Variants in SGCZ observed in about 807,000 individuals in gnomAD.
SGCZ encodes sarcoglycan zeta.
A neutral mutation model predicts 41.3 loss-of-function variants in SGCZ; 40 were observed. The observed-to-expected ratio is 0.97, with a 90% CI of 0.75 to 1.26. The LOEUF (loss-of-function observed/expected upper bound fraction) is 1.26, where lower values mean the gene tolerates loss of function less well. SGCZ is among the 50% of genes most tolerant of loss of function. The probability of loss-of-function intolerance (pLI) is 0.00; values close to 1 mark genes in which losing one functional copy is unlikely to be tolerated. For missense variants in SGCZ, 552 were observed against 369.8 expected, an observed-to-expected ratio of 1.49 and a Z score of -4.04; for synonymous variants, 206 against 137.5, an observed-to-expected ratio of 1.50 and a Z score of -3.49.
chr8:14,973,491 C>T (rs1293910993), intron 1 of SGCZ, among the ~76,000 whole-genome samples: 2 of 152,152 alleles, frequency 1.3e-5, no homozygotes, highest in African/African-American at 4.8e-5. Context: ...TGAATAAAGC[C>T]TCCCTTGTCC....
At chr8:14,311,970 A>G (rs1801561415) in intron 3 of SGCZ, among the ~76,000 whole-genome samples, 1 of 152,176 alleles carries the variant, frequency 6.6e-6, no homozygotes, top group Admixed American at 6.6e-5. Context: ...ATATTTTATA[A>G]TGCAGATTCC....
chr8:14,422,837 G>T (rs1001535645), intron 2 of SGCZ, among the ~76,000 whole-genome samples: 1 of 152,074 alleles, frequency 6.6e-6, no homozygotes, highest in African/African-American at 2.4e-5. Flanking sequence ...GACCAGCCTG[G>T]GCAAAATAAT....
In SGCZ at chr8:15,208,902, T is replaced by TATATATATAG. The variant is rs1411869670; in HGVS notation, c.39+28682_39+28683insCTATATATAT. Reference sequence around the variant, plus strand: ...ATACACATATCCCTATACATATATATAGAGAGAGAGAGAGAGAGAGAATTG... The same window carrying TATATATATAG: ...ATACACATATCCCTATACATATATATATATATATAGAGAGAGAGAGAGAGAGAGAGAATTG... On this transcript the variant is annotated intron_variant, in intron 1 of 7. Transcript: ENST00000382080. 3.7e-3 allele frequency among the ~76,000 whole-genome samples: 559 copies of TATATATATAG among 149,980 alleles called. 6 individuals are homozygous for TATATATATAG. Among genetic ancestry groups the TATATATATAG allele is most frequent in the African/African-American group, 0.013 (528 of 40,988 alleles).
chr8:14,395,596 T>C lies in SGCZ; in HGVS notation c.235-71392A>G, dbSNP rs181411978. Among the ~76,000 whole-genome samples, 843 of 152,218 alleles carry C rather than the reference T, an allele frequency of 5.5e-3. 4 individuals are homozygous for C. The highest frequency in any genetic ancestry group is 0.018 in the South Asian group (89 of 4,822). The stretch of plus-strand genomic sequence containing the variant: ...GAAGGTGTAATATTGAAAGGAGTAT[T>C]GATTTTCAATTATAAGATACAGCCA... On this transcript the variant is annotated intron_variant, in intron 2 of 7. Transcript: ENST00000382080.
intron 1 of SGCZ, among the ~76,000 whole-genome samples, chr8:15,111,699 A>C (rs1807063751): frequency 6.6e-6 from 1 of 152,140 alleles, no homozygotes; most frequent in African/African-American, 2.4e-5. Context: ...CAAGAGATGG[A>C]GACCATCCTG....
chr8:14,904,334 T>C (rs1263390307), intron 1 of SGCZ, among the ~76,000 whole-genome samples: 1 of 152,064 alleles, frequency 6.6e-6, no homozygotes, highest in Non-Finnish European at 1.5e-5. Flanking sequence ...TTGGTATAAA[T>C]ATCAATGTAA....
intron 2 of SGCZ, among the ~76,000 whole-genome samples, chr8:14,473,968 A>G (rs67072330): frequency 6.6e-6 from 1 of 151,554 alleles, no homozygotes; most frequent in Non-Finnish European, 1.5e-5. Context: ...TATGAAAAAT[A>G]ATATCTTTAA....
chr8:14,324,386 T>C (rs1300132755), intron 2 of SGCZ, among the ~76,000 whole-genome samples, 182 bp from the exon 3 acceptor site: 3 of 152,124 alleles, frequency 2.0e-5, no homozygotes, highest in African/African-American at 4.8e-5. Context: ...GAGGGCTCTA[T>C]TTAAAATGAA....
At chr8:14,265,307 T>C (rs1302178342) in intron 3 of SGCZ, among the ~76,000 whole-genome samples, 1 of 152,168 alleles carries the variant, frequency 6.6e-6, no homozygotes, top group Non-Finnish European at 1.5e-5. Context: ...CGCTCTAGTA[T>C]ATTGACTTTG....
intron 1 of SGCZ, among the ~76,000 whole-genome samples, chr8:14,793,557 T>A (rs929654637): frequency 6.6e-6 from 1 of 152,180 alleles, no homozygotes; most frequent in Non-Finnish European, 1.5e-5. Flanking sequence ...CAAAGCTGCT[T>A]CCTTAACTGG....
chr8:14,754,183 A>G lies in SGCZ; in HGVS notation c.40-199257T>C, dbSNP rs544565944. On this transcript the variant is annotated intron_variant, in intron 1 of 7. Transcript: ENST00000382080. ...CAAAAAAGAAGAGTAATGGAGGCCA[A>G]TGGTTTAAATCTGATTACTCTTATA... Among the ~76,000 whole-genome samples, 8 of 152,318 alleles carry G rather than the reference A, an allele frequency of 5.3e-5. No homozygotes were observed. In the South Asian group the frequency reaches 8.3e-4, roughly 16 times the overall value.
At chr8:14,441,211 C>A (rs1050900885) in intron 2 of SGCZ, among the ~76,000 whole-genome samples, 1 of 152,110 alleles carries the variant, frequency 6.6e-6, no homozygotes, top group African/African-American at 2.4e-5. Context: ...TAAATCATCT[C>A]CCAAATTACA....
chr8:14,675,029 C>A (rs939836909), intron 1 of SGCZ, among the ~76,000 whole-genome samples: 1 of 145,186 alleles, frequency 6.9e-6, no homozygotes, highest in Non-Finnish European at 1.5e-5. Context: ...AGCTCTGCCT[C>A]CCGGGTTCAC....
At chr8:15,099,823 T>C (rs533278844) in intron 1 of SGCZ, among the ~76,000 whole-genome samples, 1 of 152,132 alleles carries the variant, frequency 6.6e-6, no homozygotes, top group African/African-American at 2.4e-5. Context: ...ATGTAATCTA[T>C]CACATTAACA....
At chr8:14,354,345 A>G (rs968950749) in intron 2 of SGCZ, among the ~76,000 whole-genome samples, 1 of 151,980 alleles carries the variant, frequency 6.6e-6, no homozygotes, top group East Asian at 1.9e-4. Flanking sequence ...AATAAACTGT[A>G]TAAAACAAGA....
At chr8:15,072,471 C>A (rs561706513) in intron 1 of SGCZ, among the ~76,000 whole-genome samples, 1 of 152,276 alleles carries the variant, frequency 6.6e-6, no homozygotes, top group South Asian at 2.1e-4. Flanking sequence ...TCTACAAACA[C>A]GTTAAAAAGC....
chr8:14,776,044 A>G (rs189947516), intron 1 of SGCZ, among the ~76,000 whole-genome samples: 49 of 152,372 alleles, frequency 3.2e-4, no homozygotes, highest in African/African-American at 1.2e-3. Flanking sequence ...ATGAGTATAG[A>G]AACAAAATGA....
intron 1 of SGCZ, among the ~76,000 whole-genome samples, chr8:15,044,720 G>C (rs1804238049): frequency 6.6e-6 from 1 of 152,000 alleles, no homozygotes; most frequent in Non-Finnish European, 1.5e-5. Context: ...TTAATTAGGA[G>C]TTAATGATGA....
chr8:15,157,123 G>A (rs1282118826), intron 1 of SGCZ, among the ~76,000 whole-genome samples: 1 of 152,022 alleles, frequency 6.6e-6, no homozygotes, highest in Non-Finnish European at 1.5e-5. Context: ...ATGATGCAGA[G>A]GCAGAAAAAT....
Sources: allele counts gnomAD v4.1 joint callset (sites outside exome capture counted in the v4.1 genomes callset), GRCh38; gene constraint gnomAD v4.1.1; transcripts MANE v1.5; gene names NCBI Gene and HGNC (gene_info 2026-07-23, HGNC 2026-07-21).